ESRP1: variants seen among roughly 807,000 people sequenced by gnomAD.
ESRP1 encodes the protein epithelial splicing regulatory protein 1.
Under a neutral mutation model 81.7 loss-of-function variants are expected in ESRP1, and 33 were observed. That is an observed-to-expected ratio of 0.40 (90% CI 0.31 to 0.54). ESRP1 has a LOEUF of 0.54. ESRP1 is among the 20% of genes least tolerant of loss of function. ESRP1 has a pLI of 0.41. For missense variants in ESRP1, 672 were observed against 833.1 expected (o/e 0.81, Z 2.38); for synonymous variants, 320 against 303.3 (o/e 1.06, Z -0.57).
chr8:94,691,568 ATTAAGTGAT>A (rs1029223745), intron 13 of ESRP1, among the ~76,000 whole-genome samples: 5 of 152,220 alleles, frequency 3.3e-5, no homozygotes, highest in African/African-American at 1.2e-4. Flanking sequence ...AAATGAAGGA[ATTAAGTGAT>A]TTAAGCTTGC....
At chr8:94,703,642 C>G (rs1809938007) in intron 15 of ESRP1, among the ~76,000 whole-genome samples, 1 of 152,196 alleles carries the variant, frequency 6.6e-6, no homozygotes, top group Admixed American at 6.5e-5. Context: ...CTCACTGACT[C>G]TAATAACTGA....
At chr8:94,641,559 C>G (rs538337067) in intron 1 of ESRP1, 109 bp downstream of exon 1, 146 of 1,477,360 alleles carry the variant, frequency 9.9e-5, no homozygotes, top group Middle Eastern at 1.8e-4. Flanking sequence ...TCTTGTTTGC[C>G]CACTTGTGAG....
At chr8:94,676,851 A>G (rs1227466415) in intron 12 of ESRP1, among the ~76,000 whole-genome samples, 1 of 151,150 alleles carries the variant, frequency 6.6e-6, no homozygotes, top group Non-Finnish European at 1.5e-5. Flanking sequence ...ACCGCTTGAT[A>G]GTTTTGAAAT....
chr8:94,691,021 G>A (rs1809381802), intron 13 of ESRP1, among the ~76,000 whole-genome samples: 1 of 152,154 alleles, frequency 6.6e-6, no homozygotes, highest in Non-Finnish European at 1.5e-5. Context: ...CTAACTCTTA[G>A]TTTCTGTTTC....
chr8:94,661,736 G>T (rs1306962437), intron 4 of ESRP1, among the ~76,000 whole-genome samples: 1 of 152,158 alleles, frequency 6.6e-6, no homozygotes, highest in Non-Finnish European at 1.5e-5. Flanking sequence ...TGTCATCAAA[G>T]GTGGACTATC....
At chr8:94,654,258 C>G (rs942698691) in intron 4 of ESRP1, among the ~76,000 whole-genome samples, 1 of 152,058 alleles carries the variant, frequency 6.6e-6, no homozygotes, top group African/African-American at 2.4e-5. Context: ...GCGGAGGTTG[C>G]GGTGAGTCAA....
In ESRP1 at chr8:94,665,020, A is replaced by G; in HGVS notation, c.849A>G (p.Leu283=). 6.2e-7 allele frequency: 1 copy of G among 1,613,852 alleles called. No individual in the cohort carries two copies. Among genetic ancestry groups the G allele is most frequent in the Non-Finnish European group, 8.5e-7 (1 of 1,179,858 alleles). ...FVSEEHRDLA[L]QRHKHHMGTR... ...GTGAGGAGCACCGAGACCTAGCACT[A>G]CAGAGGCACAAACATCACATGGGGA... Residue 283 remains leucine, a synonymous_variant, in exon 8 of 16, where the codon CTA becomes CTG. Transcript: ENST00000433389.
At chr8:94,683,483 G>A (rs1432383386) in intron 13 of ESRP1, among the ~76,000 whole-genome samples, 3 of 152,074 alleles carry the variant, frequency 2.0e-5, no homozygotes, top group African/African-American at 7.2e-5. Context: ...GAGATCCCTT[G>A]TACACTTCGC....
rs188864408 is a variant in ESRP1 at position 94,641,291 on chromosome 8, C to A, written c.-28C>A. 733 of 1,584,722 alleles carry A rather than the reference C, an allele frequency of 4.6e-4. 5 individuals carry two copies. In the Admixed American group the frequency reaches 0.011, roughly 24 times the overall value. On this transcript the variant is annotated 5_prime_UTR_variant, in exon 1 of 16. Transcript: ENST00000433389. Reference sequence around the variant, plus strand: ...CACACCACCTTACCGCCTCCCGACCCCCCCTCTCCCCCTCCCCACCTATCG... The same window carrying A: ...CACACCACCTTACCGCCTCCCGACCACCCCTCTCCCCCTCCCCACCTATCG...
At chr8:94,701,873 G>A (rs1428711693) in intron 15 of ESRP1, among the ~76,000 whole-genome samples, 5 of 152,176 alleles carry the variant, frequency 3.3e-5, no homozygotes, top group African/African-American at 2.4e-5. Flanking sequence ...GAGCCTGGAA[G>A]TTCAAGAATA....
At chr8:94,680,514 G>A (rs1808832052) in intron 13 of ESRP1, among the ~76,000 whole-genome samples, 2 of 151,946 alleles carry the variant, frequency 1.3e-5, no homozygotes. Flanking sequence ...CACACCCTCC[G>A]CCTCCCGGGA....
intron 14 of ESRP1, among the ~76,000 whole-genome samples, chr8:94,694,782 G>C (rs1305097024): frequency 6.6e-6 from 1 of 152,202 alleles, no homozygotes; most frequent in African/African-American, 2.4e-5. Flanking sequence ...GGTTGGAATA[G>C]AGTTGTCTAG....
At chr8:94,641,506 G>C in intron 1 of ESRP1, 56 bp downstream of exon 1, 2 of 1,611,048 alleles carry the variant, frequency 1.2e-6, no homozygotes, top group African/African-American at 1.3e-5. Flanking sequence ...GTTTGTGGTA[G>C]AGGTTTGGGC....
chr8:94,662,578 T>C (rs1818802414), intron 6 of ESRP1, 23 bp downstream of exon 6: 6 of 1,554,910 alleles, frequency 3.9e-6, no homozygotes, highest in Middle Eastern at 1.7e-4. Context: ...GTACTATTTA[T>C]TTGAGCTTTT....
intron 15 of ESRP1, 38 bp downstream of exon 15, chr8:94,696,999 CCAAA>C (rs1809632604): frequency 1.5e-6 from 2 of 1,359,636 alleles, no homozygotes; most frequent in South Asian, 1.4e-5. Flanking sequence ...TTATAAAGGG[CCAAA>C]CAGAGATCAA....
At chr8:94,681,646 ATAAT>A (rs1162578734) in intron 13 of ESRP1, among the ~76,000 whole-genome samples, 1 of 150,776 alleles carries the variant, frequency 6.6e-6, no homozygotes, top group Non-Finnish European at 1.5e-5. Context: ...CAAAAAATAA[ATAAT>A]AAAAATGGCT....
intron 4 of ESRP1, chr8:94,646,513 C>T: frequency 2.6e-6 from 1 of 384,260 alleles, no homozygotes; most frequent in South Asian, 3.5e-5. Context: ...GTGGGGTGAT[C>T]ACATGTAGAA....
intron 4 of ESRP1, among the ~76,000 whole-genome samples, chr8:94,652,466 G>A (rs750672664): frequency 2.0e-5 from 3 of 148,548 alleles, no homozygotes; most frequent in East Asian, 2.0e-4. Flanking sequence ...TGATAGGGAC[G>A]GGGGCTTCTG....
Position 94,664,812 on chromosome 8 carries a change from G to GT in ESRP1, c.755+9dup. ...CAAAGGACTCAATATTGCCAAGTTG[G>GT]TTTTCTTAAATATCTATTTTACTTA... On this transcript the variant is annotated splice_donor_region_variant and intron_variant, in intron 7 of 15. Coordinates refer to ENST00000433389, the MANE Select transcript of ESRP1 (RefSeq NM_017697.4). 9.9e-6 allele frequency: 16 copies of GT among 1,613,242 alleles called. No homozygotes were observed. Among genetic ancestry groups the GT allele is most frequent in the Non-Finnish European group, 1.3e-5 (15 of 1,179,492 alleles).
Sources: gnomAD v4.1 joint callset for allele counts (sites outside exome capture counted in the v4.1 genomes callset) on GRCh38, gnomAD v4.1.1 for gene constraint, MANE v1.5 for transcripts, NCBI Gene and HGNC (gene_info 2026-07-23, HGNC 2026-07-21) for gene names.